The following SHCBP1 variants were observed in gnomAD, a reference collection of about 807,000 sequenced individuals.
SHCBP1 encodes the protein SHC binding and spindle associated 1, also known as SHC SH2 domain-binding protein 1.
SHCBP1 carries 60 observed loss-of-function variants against 75.1 expected under a neutral mutation model. The ratio of observed to expected loss-of-function variants is 0.80; its 90% CI spans 0.65 to 0.99. SHCBP1 has a LOEUF of 0.99. Ranked by LOEUF, SHCBP1 falls within the 50% of genes least tolerant of loss-of-function variation. The probability of loss-of-function intolerance (pLI) is 0.00; values close to 1 mark genes in which losing one functional copy is unlikely to be tolerated. For synonymous variants in SHCBP1, 290 were observed against 293.2 expected, an observed-to-expected ratio of 0.99 and a Z score of 0.11; for missense variants, 709 against 809.4, an observed-to-expected ratio of 0.88 and a Z score of 1.50.
intron 11 of SHCBP1, 35 bp downstream of exon 11, chr16:46,583,968 T>C (rs1394180631): frequency 5.2e-6 from 8 of 1,529,598 alleles, no homozygotes; most frequent in South Asian, 1.2e-5. Flanking sequence ...AACCATTCTA[T>C]CCATTGAAAA....
rs1474870694 is a variant in SHCBP1, at chr16:46,579,266, C to A, written c.*2463G>T. ...CATCTCAAATATCAAACCCATACCC[C>A]TCTAGGGCACTCCCTAAATTCCCTA... On this transcript the variant is annotated 3_prime_UTR_variant, in exon 13 of 13. Coordinates refer to ENST00000303383, the MANE Select transcript of SHCBP1 (RefSeq NM_024745.5). Among the ~76,000 whole-genome samples the A allele has an allele frequency of 6.6e-6, 1 of 152,150 alleles. No homozygotes were observed. The highest frequency in any genetic ancestry group is 1.5e-5 in the Non-Finnish European group (1 of 68,032).
rs1010303100 is a variant in SHCBP1 at position 46,578,914 on chromosome 16, A to G, written c.*2815T>C. ...TCAGTGTTCTATTGAACTTTCTTCA[A>G]TCTCCCTCTGAAAAGCAAAATCCAG... is the stretch of plus-strand genomic sequence containing the variant. On this transcript the variant is annotated 3_prime_UTR_variant, in exon 13 of 13. Coordinates refer to ENST00000303383, the MANE Select transcript of SHCBP1 (RefSeq NM_024745.5). 2.0e-5 allele frequency among the ~76,000 whole-genome samples: 3 copies of G among 152,162 alleles called. No individual in the cohort carries two copies. Among genetic ancestry groups the G allele is most frequent in the Non-Finnish European group, 4.4e-5 (3 of 68,026 alleles).
rs1430982855 is a variant in SHCBP1, at chr16:46,616,398, T to A, written c.388-244A>T. 2.0e-5 allele frequency among the ~76,000 whole-genome samples: 3 copies of A among 152,090 alleles called. No individual in the cohort carries two copies. Among genetic ancestry groups the A allele is most frequent in the African/African-American group, 7.2e-5 (3 of 41,398 alleles). ...AGAGAATAACTAGCAGGGGTGGGGA[T>A]CTTGTTCTGCTGAGATGGGCAAGGA... On this transcript the variant is annotated intron_variant, in intron 3 of 12. Coordinates refer to ENST00000303383, the MANE Select transcript of SHCBP1 (RefSeq NM_024745.5). The surrounding 1 kb of genome is among the most constrained non-coding windows in gnomAD (Gnocchi z 4.4).
chr16:46,617,777 T>C, intron 2 of SHCBP1, 28 bp from the exon 3 acceptor site: 3 of 1,524,774 alleles, frequency 2.0e-6, no homozygotes, highest in Non-Finnish European at 2.7e-6. Flanking sequence ...ACAGGAAGAA[T>C]TGAGAATGCA....
At chr16:46,589,130 G>C (rs1964999302) in intron 10 of SHCBP1, among the ~76,000 whole-genome samples, 1 of 152,178 alleles carries the variant, frequency 6.6e-6, no homozygotes, top group African/African-American at 2.4e-5. Context: ...AGCGTCTCAT[G>C]CTAAAAACTC....
At chr16:46,607,114 G>A (rs1359984358) in intron 5 of SHCBP1, among the ~76,000 whole-genome samples, 3 of 152,128 alleles carry the variant, frequency 2.0e-5, no homozygotes, top group African/African-American at 7.2e-5. Context: ...CAGCACTTTG[G>A]GAGGCGGAGG....
At chr16:46,621,166 GA>G in intron 1 of SHCBP1, 90 bp downstream of exon 1, 1 of 1,207,470 alleles carries the variant, frequency 8.3e-7, no homozygotes, top group Non-Finnish European at 1.1e-6. Context: ...GACGGGTCCG[GA>G]AGGCCCGCGA....
At chr16:46,600,444 T>C (rs1486167054) in intron 8 of SHCBP1, among the ~76,000 whole-genome samples, 1 of 152,074 alleles carries the variant, frequency 6.6e-6, no homozygotes, top group Non-Finnish European at 1.5e-5. Context: ...CCAGCCTTCA[T>C]TCTGGGTGAC....
At chr16:46,619,119 G>A (rs1435363726) in intron 1 of SHCBP1, among the ~76,000 whole-genome samples, 1 of 152,122 alleles carries the variant, frequency 6.6e-6, no homozygotes, top group East Asian at 1.9e-4. Context: ...CAATGACTGT[G>A]TCTAAGGAAA....
intron 4 of SHCBP1, among the ~76,000 whole-genome samples, chr16:46,613,648 C>T (rs930890164): frequency 6.6e-6 from 1 of 152,196 alleles, no homozygotes; most frequent in African/African-American, 2.4e-5. Flanking sequence ...AGAACAGCAA[C>T]TTGACCTAAT....
chr16:46,604,121 T>A lies in SHCBP1; in HGVS notation c.946A>T (p.Asn316Tyr). 6.2e-7 allele frequency: 1 copy of A among 1,614,106 alleles called. No individual in the cohort carries two copies. The highest frequency in any genetic ancestry group is 1.3e-5 in the African/African-American group (1 of 75,016). ...ACACCCTTTGCTTGGATGTTAGAAT[T>A]CTTCTGATAACCAAACACATACCTT... The part of the protein sequence containing the change: ...LLRYVFGYQK[N>Y]SNIQAKGVRS... The change falls in exon 7 of 13, where the codon AAT becomes TAT. Residue 316 changes from asparagine to tyrosine, a missense_variant. Coordinates refer to ENST00000303383, the MANE Select transcript of SHCBP1 (RefSeq NM_024745.5).
chr16:46,613,496 A>G (rs186254452), intron 4 of SHCBP1, among the ~76,000 whole-genome samples: 11 of 152,312 alleles, frequency 7.2e-5, no homozygotes, highest in Admixed American at 7.2e-4. Context: ...GGTCTCTCTC[A>G]GCACTGTCTG....
At chr16:46,599,717 A>AAAAT in intron 9 of SHCBP1, 114 bp downstream of exon 9, 1 of 474,490 alleles carries the variant, frequency 2.1e-6, no homozygotes, top group Non-Finnish European at 3.2e-6. Context: ...GTGCAATAAA[A>AAAAT]CAAGGTATGC....
At position 46,580,185 on chromosome 16, in the gene SHCBP1, C is replaced by G. The variant is rs937099512; in HGVS notation, c.*1544G>C. Among the ~76,000 whole-genome samples, 1 of 150,078 alleles carries G rather than the reference C, an allele frequency of 6.7e-6. No individual in the cohort carries two copies. The highest frequency in any genetic ancestry group is 2.5e-5 in the African/African-American group (1 of 40,722). The stretch of plus-strand genomic sequence containing the variant: ...ATAAATGGTTTTTATCTTAAGGCAT[C>G]ACATCTAGAGGCAAAAATTAAAAAA... On this transcript the variant is annotated 3_prime_UTR_variant, in exon 13 of 13. Transcript: ENST00000303383.
intron 9 of SHCBP1, 46 bp from the exon 10 acceptor site, chr16:46,595,716 T>C (rs1965127746): frequency 7.0e-7 from 1 of 1,436,890 alleles, no homozygotes; most frequent in Admixed American, 1.7e-5. Context: ...TAATGTGCCT[T>C]TTCCAATGTT....
At chr16:46,591,778 T>C (rs1274199049) in intron 10 of SHCBP1, among the ~76,000 whole-genome samples, 1 of 151,960 alleles carries the variant, frequency 6.6e-6, no homozygotes, top group Non-Finnish European at 1.5e-5. Flanking sequence ...TCTAGAAATA[T>C]AAAAGAATTA....
At position 46,616,798 on chromosome 16, in the gene SHCBP1, G is replaced by A. The variant is rs1965506433; in HGVS notation, c.388-644C>T. 6.6e-6 allele frequency among the ~76,000 whole-genome samples: 1 copy of A among 152,140 alleles called. No individual in the cohort carries two copies. Among genetic ancestry groups the A allele is most frequent in the South Asian group, 2.1e-4 (1 of 4,824 alleles). ...AAAACAATGACTTTCATTGTTTTCG[G>A]AGAACTGATTGGCGGGGGGGCACTT... On this transcript the variant is annotated intron_variant, in intron 3 of 12. Coordinates refer to ENST00000303383, the MANE Select transcript of SHCBP1 (RefSeq NM_024745.5). The surrounding 1 kb of genome is among the most constrained non-coding windows in gnomAD (Gnocchi z 4.4).
intron 10 of SHCBP1, among the ~76,000 whole-genome samples, chr16:46,591,346 C>A (rs1292566516): frequency 6.6e-6 from 1 of 152,008 alleles, no homozygotes; most frequent in Non-Finnish European, 1.5e-5. Context: ...ACATATCATG[C>A]AAACAATAAT....
At chr16:46,603,845 G>A (rs1286154150) in intron 7 of SHCBP1, 130 bp downstream of exon 7, 19 of 1,306,992 alleles carry the variant, frequency 1.5e-5, no homozygotes, top group Non-Finnish European at 2.0e-5. Flanking sequence ...GAAAGGCAGG[G>A]CTCTCACTAC....
Sources: gnomAD v4.1 joint callset for allele counts (sites outside exome capture counted in the v4.1 genomes callset) on GRCh38, gnomAD v4.1.1 for gene constraint, Gnocchi (gnomAD v3.1) non-coding constraint, MANE v1.5 for transcripts, NCBI Gene and HGNC (gene_info 2026-07-23, HGNC 2026-07-21) for gene names.